TRAF7: variants seen among roughly 807,000 people sequenced by gnomAD.
TRAF7 encodes TNF receptor associated factor 7.
A neutral mutation model predicts 89.3 loss-of-function variants in TRAF7; 45 were observed. That is an observed-to-expected ratio of 0.50 (90% confidence interval 0.40 to 0.65). TRAF7 has a LOEUF of 0.65. TRAF7 is among the 30% of genes least tolerant of loss of function. The pLI, the probability that TRAF7 is intolerant of heterozygous loss-of-function variation, is 0.00. For missense variants in TRAF7, 677 were observed against 918.1 expected, an observed-to-expected ratio of 0.74 and a Z score of 3.39; for synonymous variants, 406 against 369.2, an observed-to-expected ratio of 1.10 and a Z score of -1.14.
chr16:2,167,622 G>A (rs919803107), intron 3 of TRAF7, among the ~76,000 whole-genome samples: 4 of 152,170 alleles, frequency 2.6e-5, no homozygotes, highest in African/African-American at 4.8e-5. Flanking sequence ...TTCCCCCTCT[G>A]TGAGTGGAGG....
intron 4 of TRAF7, among the ~76,000 whole-genome samples, chr16:2,169,829 T>G (rs941887190): frequency 6.6e-6 from 1 of 152,212 alleles, no homozygotes; most frequent in Non-Finnish European, 1.5e-5. Flanking sequence ...TTTGCCTCTG[T>G]GCTCTGTGGG....
At chr16:2,170,789 C>T (rs868831944) in intron 5 of TRAF7, 59 bp downstream of exon 5, 16 of 1,481,048 alleles carry the variant, frequency 1.1e-5, no homozygotes, top group Middle Eastern at 1.8e-4. Context: ...AGCCGTGGCA[C>T]GGAGGCACCT....
chr16:2,157,752 TG>T, intron 1 of TRAF7, among the ~76,000 whole-genome samples: 1 of 152,074 alleles, frequency 6.6e-6, no homozygotes, highest in African/African-American at 2.4e-5. Context: ...CGGCTTGGCA[TG>T]GGACTGGCTC....
At chr16:2,171,131 G>C (rs1043763975) in intron 5 of TRAF7, 133 bp from the exon 6 acceptor site, 6 of 714,210 alleles carry the variant, frequency 8.4e-6, no homozygotes, top group African/African-American at 7.0e-5. Flanking sequence ...CCAGCTCTAA[G>C]CAGGCCTCTC....
rs769720192 is a variant in TRAF7 at position 2,163,497 on chromosome 16, T to C, written c.-38-386T>C. The C allele has an allele frequency of 5.1e-5, 12 of 234,776 alleles. No individual in the cohort carries two copies. Among genetic ancestry groups the C allele is most frequent in the Non-Finnish European group, 5.2e-5 (6 of 116,050 alleles). 14.5% of individuals were successfully genotyped at this position (234,776 alleles called of 1,614,324 possible). ...CGCCACGTGGGCCACACCCTGGGCCTACCCACCAAGGCCCAGCCTTGGCCC... is the reference window on the plus strand; with the variant it reads ...CGCCACGTGGGCCACACCCTGGGCCCACCCACCAAGGCCCAGCCTTGGCCC... On this transcript the variant is annotated intron_variant, in intron 1 of 20. Transcript: ENST00000326181. The surrounding 1 kb of genome is among the most constrained non-coding windows in gnomAD (Gnocchi z 4.3).
chr16:2,162,241 AGAGAATGGGAGAGGAGACAG>A lies in TRAF7; in HGVS notation c.-38-1641_-38-1622del, dbSNP rs1467015048. On this transcript the variant is annotated intron_variant, in intron 1 of 20. Transcript: ENST00000326181. The surrounding 1 kb of genome is among the most constrained non-coding windows in gnomAD (Gnocchi z 5.0). Reference sequence around the variant, plus strand: ...AGGGACAGGTGGGCCTGGGCAGCCTAGAGAATGGGAGAGGAGACAGCAGGAGTGGTAGACAGCCCAGGAGC... The same window carrying A: ...AGGGACAGGTGGGCCTGGGCAGCCTACAGGAGTGGTAGACAGCCCAGGAGC... Among the ~76,000 whole-genome samples, 162 of 151,346 alleles carry A rather than the reference AGAGAATGGGAGAGGAGACAG, an allele frequency of 1.1e-3. 3 individuals carry two copies. The highest frequency in any genetic ancestry group is 4.1e-4 in the Non-Finnish European group (28 of 67,760).
chr16:2,170,319 G>C (rs1567250459), intron 4 of TRAF7, among the ~76,000 whole-genome samples: 2 of 152,220 alleles, frequency 1.3e-5, no homozygotes, highest in South Asian at 4.1e-4. Flanking sequence ...GAAGCAGCCC[G>C]GGTATATGGA....
At position 2,172,394 on chromosome 16, in the gene TRAF7, C is replaced by T. The variant is rs774267754; in HGVS notation, c.659+20C>T. 52 of 1,611,382 alleles carry T rather than the reference C, an allele frequency of 3.2e-5. No homozygotes were observed. Among genetic ancestry groups the T allele is most frequent in the Non-Finnish European group, 4.4e-5 (52 of 1,179,394 alleles). ...CCGGAAGTAAGTGCCCCTCCCTGGG[C>T]ACCTCTGCCTCCCTGGGGGCTGCTT... On this transcript the variant is annotated intron_variant, in intron 8 of 20. Transcript: ENST00000326181.
chr16:2,160,739 G>A (rs770482353), intron 1 of TRAF7, among the ~76,000 whole-genome samples: 1 of 152,116 alleles, frequency 6.6e-6, no homozygotes, highest in Non-Finnish European at 1.5e-5. Context: ...GGAACTGGAG[G>A]GCAGAGAGGC....
rs1452267137 is a variant in TRAF7 at position 2,162,538 on chromosome 16, CACTTTGGCCT to C, written c.-38-1344_-38-1335del. 6.6e-6 allele frequency among the ~76,000 whole-genome samples: 1 copy of C among 152,118 alleles called. No homozygotes were observed. Among genetic ancestry groups the C allele is most frequent in the Non-Finnish European group, 1.5e-5 (1 of 67,980 alleles). On this transcript the variant is annotated intron_variant, in intron 1 of 20. Coordinates refer to ENST00000326181, the MANE Select transcript of TRAF7 (RefSeq NM_032271.3). This position sits in a 1 kb window ranked among gnomAD's most constrained non-coding sequence, Gnocchi z 5.0. ...GGGTGGGGGCAGAGACCAGCTCCGC[CACTTTGGCCT>C]GGGACTGGGACTGTCCTGCTCCTCT...
At chr16:2,172,736 G>T in intron 9 of TRAF7, 137 bp downstream of exon 9, 1 of 1,161,344 alleles carries the variant, frequency 8.6e-7, no homozygotes, top group Admixed American at 2.7e-5. Context: ...CCTCTCTGAG[G>T]CCCAAGGCCC....
Position 2,173,539 on chromosome 16 carries a change from C to G in TRAF7, c.1071C>G (p.Asp357Glu), listed in dbSNP as rs2093122370. ...AGGACCTCATGGAGTTCCGGCGGGA[C>G]GCATCCATGTTAAATGTGAGCGGGC... ...LSEDLMEFRR[D>E]ASMLNDELSH... is the part of the protein sequence containing the mutation. Residue 357 changes from aspartate (D) to glutamate (E), a missense_variant, in exon 11 of 21, where the codon GAC becomes GAG. Transcript: ENST00000326181. 1 of 1,613,122 alleles carries G rather than the reference C, an allele frequency of 6.2e-7. No homozygotes were observed. The highest frequency in any genetic ancestry group is 1.1e-5 in the South Asian group (1 of 91,086).
chr16:2,174,281 CAG>C lies in TRAF7; in HGVS notation c.1296_1297del (p.Lys433AspfsTer6). 1 of 1,613,190 alleles carries C rather than the reference CAG, an allele frequency of 6.2e-7. No homozygotes were observed. Among genetic ancestry groups the C allele is most frequent in the Non-Finnish European group, 8.5e-7 (1 of 1,179,964 alleles). ...VWDTCTTYKC[Q>X]KTLEGHDGIV... ...GGACACATGTACCACCTACAAGTGT[CAG>C]AAGACACTGGAGGGCCATGATGGCA... On this transcript the variant is annotated frameshift_variant, in exon 14 of 21. Transcript: ENST00000326181. LOFTEE classifies it high-confidence loss of function.
intron 6 of TRAF7, 22 bp downstream of exon 6, chr16:2,171,378 GC>G (rs1159982029): frequency 5.2e-6 from 8 of 1,544,032 alleles, no homozygotes; most frequent in African/African-American, 4.1e-5. Flanking sequence ...GCCCTTCCCA[GC>G]CCCCCTGCTG....
chr16:2,170,846 G>A, intron 5 of TRAF7, 116 bp downstream of exon 5: 1 of 1,012,898 alleles, frequency 9.9e-7, no homozygotes, highest in Non-Finnish European at 1.5e-6. Context: ...GGCGGCTGGG[G>A]CCTGACGGGA....
intron 1 of TRAF7, among the ~76,000 whole-genome samples, chr16:2,156,983 G>A (rs1479459826): frequency 6.6e-6 from 1 of 152,062 alleles, no homozygotes; most frequent in African/African-American, 2.4e-5. Flanking sequence ...GGAGTCCAGG[G>A]GCAGGGGCCT....
At position 2,168,491 on chromosome 16, in the gene TRAF7, A is replaced by G. The variant is rs2093095807; in HGVS notation, c.231+323A>G. 3.5e-6 allele frequency: 1 copy of G among 284,152 alleles called. No individual in the cohort carries two copies. Among genetic ancestry groups the G allele is most frequent in the Non-Finnish European group, 6.7e-6 (1 of 148,598 alleles). 17.6% of individuals were successfully genotyped at this position (284,152 alleles called of 1,614,324 possible). ...AAAGTTCAGTCAGGAGGATAGCACA[A>G]TAAAATACATGCTTTGAAAGCTTCC... On this transcript the variant is annotated intron_variant, in intron 4 of 20. Coordinates refer to ENST00000326181, the MANE Select transcript of TRAF7 (RefSeq NM_032271.3). The surrounding 1 kb of genome is among the most constrained non-coding windows in gnomAD (Gnocchi z 4.1).
intron 1 of TRAF7, among the ~76,000 whole-genome samples, chr16:2,160,413 G>A (rs1007667321): frequency 2.6e-5 from 4 of 151,210 alleles, no homozygotes; most frequent in African/African-American, 9.8e-5. Flanking sequence ...TGGGCAGTGT[G>A]GACGGGCAGG....
intron 3 of TRAF7, among the ~76,000 whole-genome samples, chr16:2,167,095 T>G (rs2093089455): frequency 6.6e-6 from 1 of 152,166 alleles, no homozygotes; most frequent in African/African-American, 2.4e-5. Flanking sequence ...GCCCTCTTTT[T>G]TTTTCTAATC....
Sources: allele counts gnomAD v4.1 joint callset (sites outside exome capture counted in the v4.1 genomes callset), GRCh38; gene constraint gnomAD v4.1.1; non-coding constraint Gnocchi (gnomAD v3.1); transcripts MANE v1.5; gene names NCBI Gene and HGNC (gene_info 2026-07-23, HGNC 2026-07-21).